Variants in GPI observed in about 807,000 individuals in gnomAD.
GPI encodes D-hexose-6-phosphate anomerase.
Under a neutral mutation model 75.8 loss-of-function variants are expected in GPI, and 56 were observed. That is an observed-to-expected ratio of 0.74 (90% CI 0.60 to 0.92). GPI has a LOEUF of 0.92. GPI is among the 40% of genes least tolerant of loss of function. The pLI is 0.00. For missense variants in GPI, 638 were observed against 741.0 expected, an observed-to-expected ratio of 0.86 and a Z score of 1.61; for synonymous variants, 288 against 285.4, an observed-to-expected ratio of 1.01 and a Z score of -0.09.
At chr19:34,390,598 C>G (rs1270627837) in intron 9 of GPI, among the ~76,000 whole-genome samples, 1 of 150,224 alleles carries the variant, frequency 6.7e-6, no homozygotes, top group African/African-American at 2.5e-5. Context: ...GAGGAGATAA[C>G]AGCAGGTTAC....
chr19:34,360,088 G>A (rs879497569), upstream of GPI, among the ~76,000 whole-genome samples: 1 of 152,172 alleles, frequency 6.6e-6, no homozygotes, highest in Non-Finnish European at 1.5e-5. Flanking sequence ...GCACGTGAAG[G>A]TGTCCGGCTC....
intron 14 of GPI, among the ~76,000 whole-genome samples, chr19:34,396,978 T>G (rs758756967): frequency 5.9e-5 from 9 of 152,092 alleles, no homozygotes; most frequent in Non-Finnish European, 1.2e-4. Context: ...GGCCAGCTAA[T>G]TTTTGTAGTT....
At chr19:34,366,052 C>G in intron 1 of GPI, 1 of 632,510 alleles carries the variant, frequency 1.6e-6, no homozygotes, top group Non-Finnish European at 2.9e-6. Context: ...GAGTAACTTA[C>G]GGCAGAAAGT....
At chr19:34,370,831 T>C (rs1306715265) in intron 4 of GPI, among the ~76,000 whole-genome samples, 3 of 152,052 alleles carry the variant, frequency 2.0e-5, no homozygotes, top group Non-Finnish European at 1.5e-5. Context: ...GGTGGGAGGA[T>C]TGCTTGAGCC....
At chr19:34,364,709 T>C, upstream of GPI, 1 of 397,392 alleles carries the variant, frequency 2.5e-6, no homozygotes, top group Non-Finnish European at 4.5e-6. Context: ...CAACCCCGAT[T>C]CTCAGCACCC....
At chr19:34,372,305 T>TCCA (rs2074466632) in intron 4 of GPI, among the ~76,000 whole-genome samples, 1 of 152,194 alleles carries the variant, frequency 6.6e-6, no homozygotes, top group African/African-American at 2.4e-5. Flanking sequence ...CTTATTTTAT[T>TCCA]TCTTTCTGTA....
Position 34,379,068 on chromosome 19 carries a change from C to A in GPI, c.705+63C>A, listed in dbSNP as rs1474568659. 10 of 1,367,154 alleles carry A rather than the reference C, an allele frequency of 7.3e-6. No individual in the cohort carries two copies. The East Asian group carries it at 2.1e-4, about 28-fold the overall frequency. 84.7% of individuals were successfully genotyped at this position (1,367,154 alleles called of 1,614,324 possible). ...TGGGCTGGGAAGAGCAGGGTGGGCCCCTGAGTGACCAAGTCTGGCCGTGTT... is the reference window on the plus strand; with the variant it reads ...TGGGCTGGGAAGAGCAGGGTGGGCCACTGAGTGACCAAGTCTGGCCGTGTT... On this transcript the variant is annotated intron_variant, in intron 7 of 17. Coordinates refer to ENST00000356487, the MANE Select transcript of GPI (RefSeq NM_000175.5).
intron 14 of GPI, chr19:34,397,890 A>ATTTAT (rs921894470): frequency 9.4e-5 from 14 of 149,306 alleles, no homozygotes; most frequent in Non-Finnish European, 1.6e-4. Flanking sequence ...TATTTTATTT[A>ATTTAT]TTTATTTTAT....
In GPI at chr19:34,396,375, GT is replaced by G; in HGVS notation, c.1138del (p.Trp380GlyfsTer22). The G allele has an allele frequency of 6.2e-7, 1 of 1,613,912 alleles. No individual in the cohort carries two copies. Among genetic ancestry groups the G allele is most frequent in the Non-Finnish European group, 8.5e-7 (1 of 1,179,756 alleles). On this transcript the variant is annotated frameshift_variant, in exon 13 of 18. Transcript: ENST00000356487. LOFTEE classifies it high-confidence loss of function. ...TGGACCACCAGACAGGCCCCATTGTGTGGGGGGAGCCAGGGACCAATGGCCA... is the reference window on the plus strand; with the variant it reads ...TGGACCACCAGACAGGCCCCATTGTGGGGGGGAGCCAGGGACCAATGGCCA... Reference protein sequence around the residue: ...RVDHQTGPIVWGEPGTNGQHA... With the variant: ...RVDHQTGPIVXGEPGTNGQHA...
At chr19:34,367,709 G>A (rs753163417) in intron 3 of GPI, among the ~76,000 whole-genome samples, 5 of 152,268 alleles carry the variant, frequency 3.3e-5, no homozygotes, top group Non-Finnish European at 7.4e-5. Context: ...TGGGCCAGCC[G>A]CCTGGCACCC....
rs8191391 is a variant in GPI, at chr19:34,382,242, G to A, written c.804+723G>A. Among the ~76,000 whole-genome samples the A allele has an allele frequency of 5.5e-3, 837 of 152,284 alleles. 5 individuals are homozygous for A. Among genetic ancestry groups the A allele is most frequent in the African/African-American group, 0.019 (790 of 41,542 alleles). ...CTTACGTGCAGGGCTCTAACGCTGT[G>A]GCAGGCGCAGCAGAGAGGGCATTGC... On this transcript the variant is annotated intron_variant, in intron 9 of 17. Transcript: ENST00000356487.
Position 34,399,342 on chromosome 19 carries a change from A to G in GPI, c.1398+7A>G. On this transcript the variant is annotated splice_region_variant and intron_variant, in intron 15 of 17. Coordinates refer to ENST00000356487, the MANE Select transcript of GPI (RefSeq NM_000175.5). ...GAGGCTGCTGCCACATAAGGTCAGC[A>G]CTTCTGCATTTGGCTTTGGGGTGCA... is the stretch of plus-strand genomic sequence containing the variant. 6.2e-7 allele frequency: 1 copy of G among 1,614,066 alleles called. No homozygotes were observed. The highest frequency in any genetic ancestry group is 8.5e-7 in the Non-Finnish European group (1 of 1,180,014).
chr19:34,379,339 C>T (rs970562872), intron 7 of GPI, among the ~76,000 whole-genome samples, 179 bp from the exon 8 acceptor site: 1 of 152,162 alleles, frequency 6.6e-6, no homozygotes, highest in East Asian at 1.9e-4. Flanking sequence ...GATGAGCAGG[C>T]GGCCTGTGAC....
upstream of GPI, among the ~76,000 whole-genome samples, chr19:34,360,413 T>G (rs2074295091): frequency 6.6e-6 from 1 of 151,996 alleles, no homozygotes; most frequent in Admixed American, 6.6e-5. Flanking sequence ...GGCAACACAG[T>G]GCAACTCAGT....
chr19:34,377,398 C>T, intron 4 of GPI, 105 bp from the exon 5 acceptor site: 2 of 723,248 alleles, frequency 2.8e-6, no homozygotes, highest in South Asian at 2.9e-5. Context: ...CCTGCGAGGG[C>T]CTGAAAGCTG....
At chr19:34,369,587 A>T (rs944193680) in intron 4 of GPI, among the ~76,000 whole-genome samples, 2 of 152,010 alleles carry the variant, frequency 1.3e-5, no homozygotes, top group Admixed American at 6.6e-5. Flanking sequence ...TACGCCTGCA[A>T]TCCCAGCTAC....
At chr19:34,396,024 C>T (rs1037575187) in intron 12 of GPI, among the ~76,000 whole-genome samples, 20 of 151,304 alleles carry the variant, frequency 1.3e-4, no homozygotes, top group Non-Finnish European at 2.5e-4. Flanking sequence ...CCACAACCTC[C>T]GCCTCCCGGG....
At position 34,366,492 on chromosome 19, in the gene GPI, G is replaced by A. The variant is rs2074367639; in HGVS notation, c.213+57G>A. ...AACCGACAGAGTGGTGGGTGAGCTG[G>A]GCTCCTGGGAGTCCCCAGGACCTTG... On this transcript the variant is annotated intron_variant, in intron 2 of 17. Transcript: ENST00000356487. The A allele has an allele frequency of 5.7e-6, 7 of 1,224,826 alleles. No homozygotes were observed. The South Asian group carries it at 8.4e-5, about 15-fold the overall frequency. 75.9% of individuals were successfully genotyped at this position (1,224,826 alleles called of 1,614,324 possible).
At chr19:34,369,394 A>G (rs1420820631) in intron 4 of GPI, among the ~76,000 whole-genome samples, 1 of 152,074 alleles carries the variant, frequency 6.6e-6, no homozygotes, top group Non-Finnish European at 1.5e-5. Flanking sequence ...GTCTAGAAAC[A>G]GATAAAACAT....
Sources: gnomAD v4.1 joint callset for allele counts (sites outside exome capture counted in the v4.1 genomes callset) on GRCh38, gnomAD v4.1.1 for gene constraint, MANE v1.5 for transcripts, NCBI Gene and HGNC (gene_info 2026-07-23, HGNC 2026-07-21) for gene names.